Variants in BPIFB2 observed in about 807,000 individuals in gnomAD.
The protein encoded by BPIFB2 is BPI fold containing family B member 2.
Under a neutral mutation model 50.1 loss-of-function variants are expected in BPIFB2, and 39 were observed. That is an observed-to-expected ratio of 0.78 (90% CI 0.60 to 1.02). BPIFB2 has a LOEUF of 1.02. BPIFB2 is among the 50% of genes least tolerant of loss of function. BPIFB2 has a pLI of 0.00. For missense variants in BPIFB2, 574 were observed against 585.8 expected (o/e 0.98, Z 0.21); for synonymous variants, 280 against 256.3 (o/e 1.09, Z -0.88).
At chr20:33,018,175 T>G (rs551979850) in intron 7 of BPIFB2, 84 bp from the exon 8 acceptor site, 2 of 1,072,506 alleles carry the variant, frequency 1.9e-6, no homozygotes, top group South Asian at 3.1e-5. Flanking sequence ...AATCAGACAA[T>G]AAATAAACTT....
chr20:33,023,636 G>C lies in BPIFB2; in HGVS notation c.*253G>C. ...CCTTCCTCTGCCCCACCCCAGCGGG[G>C]AGCAGACTGCTCCTCCAGGCTGTAT... On this transcript the variant is annotated 3_prime_UTR_variant, in exon 16 of 16. Coordinates refer to ENST00000170150, the MANE Select transcript of BPIFB2 (RefSeq NM_025227.3). The C allele has an allele frequency of 1.7e-6, 1 of 584,252 alleles. No homozygotes were observed. Among genetic ancestry groups the C allele is most frequent in the South Asian group, 2.0e-5 (1 of 50,716 alleles). 36.2% of individuals were successfully genotyped at this position (584,252 alleles called of 1,614,324 possible).
intron 15 of BPIFB2, among the ~76,000 whole-genome samples, 187 bp downstream of exon 15, chr20:33,021,986 C>T (rs916645495): frequency 6.6e-6 from 1 of 152,130 alleles, no homozygotes; most frequent in Non-Finnish European, 1.5e-5. Flanking sequence ...TCCTTTAGTC[C>T]TCATAAAATA....
chr20:33,017,062 C>T lies in BPIFB2; in HGVS notation c.537C>T (p.Asn179=). The T allele has an allele frequency of 1.2e-6, 2 of 1,614,130 alleles. No individual in the cohort carries two copies. The highest frequency in any genetic ancestry group is 2.2e-5 in the East Asian group (1 of 44,886). The change falls in exon 7 of 16, where the codon AAC becomes AAT. Residue 179 remains asparagine, a synonymous_variant. Coordinates refer to ENST00000170150, the MANE Select transcript of BPIFB2 (RefSeq NM_025227.3). ...LSNKLCLSIS[N]LVQGVNVHLG... ...CACAGCTGTGCCTGAGCATCTCCAACCTGGTGCAGGGTGTCAATGTCCACC... is the reference window on the plus strand; with the variant it reads ...CACAGCTGTGCCTGAGCATCTCCAATCTGGTGCAGGGTGTCAATGTCCACC...
At chr20:33,013,754 T>C in intron 4 of BPIFB2, 56 bp from the exon 5 acceptor site, 2 of 1,577,002 alleles carry the variant, frequency 1.3e-6, no homozygotes, top group Non-Finnish European at 1.7e-6. Flanking sequence ...CTATCATCAG[T>C]CATGGTGGGC....
chr20:33,011,443 T>C (rs1990287104), intron 3 of BPIFB2, among the ~76,000 whole-genome samples: 1 of 152,190 alleles, frequency 6.6e-6, no homozygotes, highest in African/African-American at 2.4e-5. Flanking sequence ...GACCCTCTGT[T>C]TCTAGAAACT....
At chr20:33,018,482 C>T in intron 8 of BPIFB2, 132 bp downstream of exon 8, 1 of 1,274,390 alleles carries the variant, frequency 7.8e-7, no homozygotes, top group Non-Finnish European at 1.1e-6. Context: ...CAGCCGGGAG[C>T]ATGCCACACA....
rs1323457755 is a variant in BPIFB2, at chr20:33,011,114, C to T, written c.200C>T (p.Thr67Ile). The T allele has an allele frequency of 6.2e-7, 1 of 1,613,418 alleles. No individual in the cohort carries two copies. ...TGGAGTGGAGAGGCGCTTCAGCCCACCAGGTGAGTGCTCCCCTCCTCCAGA... is the reference window on the plus strand; with the variant it reads ...TGGAGTGGAGAGGCGCTTCAGCCCATCAGGTGAGTGCTCCCCTCCTCCAGA... ...LDWSGEALQP[T>I]RIRILNVHVP... Residue 67 changes from threonine to isoleucine, a missense_variant, in exon 3 of 16, where the codon ACC becomes ATC. Thr to Ile is a moderately conservative substitution (Grantham distance 89). Transcript: ENST00000170150.
chr20:33,013,009 A>T (rs1351553103), intron 4 of BPIFB2, 102 bp downstream of exon 4: 3 of 906,126 alleles, frequency 3.3e-6, no homozygotes, highest in African/African-American at 3.3e-5. Flanking sequence ...GCCCTCATCC[A>T]GGCCTCTTGA....
intron 7 of BPIFB2, 139 bp downstream of exon 7, chr20:33,017,241 A>G (rs1978469242): frequency 1.6e-6 from 1 of 624,282 alleles, no homozygotes; most frequent in East Asian, 3.0e-5. Flanking sequence ...GTGAGCTCCC[A>G]AAACAGTGTA....
chr20:33,019,956 C>T (rs933793934), intron 11 of BPIFB2, among the ~76,000 whole-genome samples: 3 of 152,314 alleles, frequency 2.0e-5, no homozygotes, highest in South Asian at 2.1e-4. Flanking sequence ...TGGCCAGCTC[C>T]CCCTCCTCTT....
chr20:33,008,070 G>C (rs1487375817), intron 1 of BPIFB2, among the ~76,000 whole-genome samples: 1 of 152,286 alleles, frequency 6.6e-6, no homozygotes, highest in South Asian at 2.1e-4. Flanking sequence ...GCCAGGAGGG[G>C]ATGAGGACAG....
chr20:33,018,482 C>G, intron 8 of BPIFB2, 132 bp downstream of exon 8: 1 of 1,274,390 alleles, frequency 7.8e-7, no homozygotes. Context: ...CAGCCGGGAG[C>G]ATGCCACACA....
chr20:33,012,688 T>C, intron 3 of BPIFB2, 115 bp from the exon 4 acceptor site: 1 of 814,652 alleles, frequency 1.2e-6, no homozygotes, highest in Non-Finnish European at 2.1e-6. Context: ...ATGGTTCCAA[T>C]TGTCAGAAAG....
At position 33,008,683 on chromosome 20, in the gene BPIFB2, G is replaced by A. The variant is rs754962460; in HGVS notation, c.109G>A (p.Val37Met). The A allele has an allele frequency of 6.9e-6, 11 of 1,597,086 alleles. No homozygotes were observed. Among genetic ancestry groups the A allele is most frequent in the South Asian group, 4.5e-5 (4 of 88,118 alleles). The change falls in exon 2 of 16, where the codon GTG becomes ATG. Residue 37 changes from valine (V) to methionine (M), a missense_variant and splice_region_variant. By Grantham distance (21) the Val-to-Met change is conservative (BLOSUM62 1). Coordinates refer to ENST00000170150, the MANE Select transcript of BPIFB2 (RefSeq NM_025227.3). ...VRLNKAALSY[V>M]SEIGKAPLQR... ...ACTCAACAAGGCAGCATTGAGCTACGGTAAGCGGTGTGTTACCCAGTGAGT... is the reference window on the plus strand; with the variant it reads ...ACTCAACAAGGCAGCATTGAGCTACAGTAAGCGGTGTGTTACCCAGTGAGT...
Position 33,020,554 on chromosome 20 carries a change from C to T in BPIFB2, c.1161C>T (p.Leu387=). ...GCTTCTCTTTCAGGGATGTCCAGCT[C>T]ACGGTGGCCTCCTCCAACGTGGGCT... ...GTTSVLGDVQ[L]TVASSNVGFI... The change falls in exon 13 of 16, where the codon CTC becomes CTT. Residue 387 remains leucine, a synonymous_variant. Coordinates refer to ENST00000170150, the MANE Select transcript of BPIFB2 (RefSeq NM_025227.3). 1 of 1,609,262 alleles carries T rather than the reference C, an allele frequency of 6.2e-7. No homozygotes were observed. Among genetic ancestry groups the T allele is most frequent in the South Asian group, 1.1e-5 (1 of 90,352 alleles).
At chr20:33,019,456 G>C (rs1978570437) in intron 10 of BPIFB2, 124 bp from the exon 11 acceptor site, 2 of 1,149,228 alleles carry the variant, frequency 1.7e-6, no homozygotes, top group Middle Eastern at 3.0e-4. Context: ...ACAGAGGGGG[G>C]ACCCACCTCT....
intron 14 of BPIFB2, 40 bp downstream of exon 14, chr20:33,021,384 C>T (rs759925836): frequency 6.4e-7 from 1 of 1,571,616 alleles, no homozygotes; most frequent in Non-Finnish European, 8.7e-7. Flanking sequence ...CCCTCTGGCC[C>T]CCTCCATATC....
At chr20:33,019,248 C>T (rs1407683286) in intron 10 of BPIFB2, 133 bp downstream of exon 10, 4 of 1,115,982 alleles carry the variant, frequency 3.6e-6, no homozygotes, top group Non-Finnish European at 4.0e-6. Context: ...CCTACTCCTC[C>T]ATCTTGGGGA....
At position 33,019,670 on chromosome 20, in the gene BPIFB2, A is replaced by T. The variant is rs773331184; in HGVS notation, c.1000A>T (p.Thr334Ser). The change falls in exon 11 of 16, where the codon ACC becomes TCC. Residue 334 changes from threonine (T) to serine (S), a missense_variant. By Grantham distance (58) the Thr-to-Ser change is moderately conservative. Transcript: ENST00000170150. ...GGCCATGCTCCACACAAACAACGCC[A>T]CCCTGCGGCTGCAGCCCTTCGTGGA... is the stretch of plus-strand genomic sequence containing the variant. ...PVAMLHTNNA[T>S]LRLQPFVEVL... 1 of 1,612,032 alleles carries T rather than the reference A, an allele frequency of 6.2e-7. No homozygotes were observed. Among genetic ancestry groups the T allele is most frequent in the Non-Finnish European group, 8.5e-7 (1 of 1,179,244 alleles).
Sources: allele counts gnomAD v4.1 joint callset (sites outside exome capture counted in the v4.1 genomes callset), GRCh38; gene constraint gnomAD v4.1.1; transcripts MANE v1.5; gene names NCBI Gene and HGNC (gene_info 2026-07-23, HGNC 2026-07-21).